GPC5: variants seen among roughly 807,000 people sequenced by gnomAD.
GPC5 encodes the protein glypican 5, also known as glypican-5.
In GPC5, 47 loss-of-function variants were observed where a neutral mutation model predicts 53.9. The observed-to-expected ratio is 0.87, with a 90% confidence interval of 0.69 to 1.11. The LOEUF is 1.11. GPC5 is among the 50% of genes most tolerant of loss of function. GPC5 has a pLI of 0.00. For synonymous variants in GPC5, 286 were observed against 263.3 expected, an observed-to-expected ratio of 1.09 and a Z score of -0.84; for missense variants, 748 against 713.1, an observed-to-expected ratio of 1.05 and a Z score of -0.56.
intron 6 of GPC5, among the ~76,000 whole-genome samples, chr13:91,991,683 C>A (rs1487049745): frequency 2.6e-5 from 4 of 151,854 alleles, no homozygotes; most frequent in Non-Finnish European, 5.9e-5. Flanking sequence ...ATACTGTGAA[C>A]ATTTTTTAAT....
intron 7 of GPC5, among the ~76,000 whole-genome samples, chr13:92,402,020 C>T (rs897145672): frequency 1.3e-5 from 2 of 152,000 alleles, no homozygotes; most frequent in South Asian, 2.1e-4. Context: ...TTTACTAAGC[C>T]GTCAGAAGGC....
At chr13:92,631,024 G>T (rs1271295808) in intron 7 of GPC5, among the ~76,000 whole-genome samples, 3 of 151,690 alleles carry the variant, frequency 2.0e-5, no homozygotes, top group African/African-American at 4.8e-5. Flanking sequence ...TGTCATTTTT[G>T]AACACAAAAG....
rs371066796 is a variant in GPC5 at position 92,663,576 on chromosome 13, AAT to A, written c.1562-202689_1562-202688del. On this transcript the variant is annotated intron_variant, in intron 7 of 7. Transcript: ENST00000377067. ...ATATGGTGAAACCCTGTTTCTACTAAATATATATATATATATATCTACTATAT... is the reference window on the plus strand; with the variant it reads ...ATATGGTGAAACCCTGTTTCTACTAAATATATATATATATATCTACTATAT... Among the ~76,000 whole-genome samples the A allele has an allele frequency of 8.3e-4, 111 of 134,310 alleles. No individual in the cohort carries two copies. In the South Asian group the frequency reaches 0.02, roughly 24 times the overall value. 88.1% of individuals were successfully genotyped at this position (134,310 alleles called of 152,430 possible).
intron 7 of GPC5, among the ~76,000 whole-genome samples, chr13:92,663,919 A>AC (rs1886481220): frequency 2.3e-5 from 3 of 130,326 alleles, no homozygotes; most frequent in African/African-American, 9.2e-5. Flanking sequence ...CACACACACA[A>AC]AAATTAGCTC....
chr13:91,728,644 A>G lies in GPC5; in HGVS notation c.1133A>G (p.Glu378Gly). 6.2e-7 allele frequency: 1 copy of G among 1,611,772 alleles called. No individual in the cohort carries two copies. Among genetic ancestry groups the G allele is most frequent in the South Asian group, 1.1e-5 (1 of 90,644 alleles). Residue 378 changes from glutamate (E) to glycine (G), a missense_variant, in exon 4 of 8, where the codon GAG becomes GGG. Glu to Gly is a moderately conservative substitution (Grantham distance 98). Transcript: ENST00000377067. ...AAGACCACCACAAGGAACAGTGAAG[A>G]GACGCTTGCCAACAGAAGAAAGTAA... The part of the protein sequence containing the change: ...GMKTTTRNSE[E>G]TLANRRKEFI...
At chr13:91,559,631 G>T (rs1171143130) in intron 2 of GPC5, among the ~76,000 whole-genome samples, 1 of 152,080 alleles carries the variant, frequency 6.6e-6, no homozygotes, top group East Asian at 1.9e-4. Context: ...CATGAAACTG[G>T]CTGTATTGAA....
intron 6 of GPC5, among the ~76,000 whole-genome samples, chr13:92,127,674 C>T (rs729321): frequency 0.017 from 2,586 of 152,244 alleles, 57 homozygotes; most frequent in African/African-American, 0.059. Context: ...ATGCCTAGTA[C>T]AGGGACATGA....
intron 7 of GPC5, among the ~76,000 whole-genome samples, chr13:92,308,214 A>G (rs566970099): frequency 2.0e-5 from 3 of 152,180 alleles, no homozygotes; most frequent in African/African-American, 2.4e-5. Flanking sequence ...TTATCTGTAC[A>G]GTGAAAATAA....
intron 2 of GPC5, among the ~76,000 whole-genome samples, chr13:91,652,763 A>G (rs1469840769): frequency 6.6e-6 from 1 of 152,180 alleles, no homozygotes; most frequent in Admixed American, 6.5e-5. Context: ...TGTAAGGAGG[A>G]CCTACTATAG....
intron 2 of GPC5, among the ~76,000 whole-genome samples, chr13:91,663,902 C>G (rs771509186): frequency 6.6e-6 from 1 of 152,246 alleles, no homozygotes; most frequent in Non-Finnish European, 1.5e-5. Context: ...GCCTTGCACT[C>G]GTGGGTTCGA....
At chr13:91,585,250 G>A (rs1478926693) in intron 2 of GPC5, among the ~76,000 whole-genome samples, 1 of 152,126 alleles carries the variant, frequency 6.6e-6, no homozygotes, top group Non-Finnish European at 1.5e-5. Flanking sequence ...CACTAATTTT[G>A]AACATATGCA....
At chr13:92,853,989 T>C (rs139449464) in intron 7 of GPC5, among the ~76,000 whole-genome samples, 4 of 119,194 alleles carry the variant, frequency 3.4e-5, no homozygotes, top group Non-Finnish European at 7.6e-5. Context: ...CCATAGATGA[T>C]AGTTGTAGGG....
chr13:92,470,671 C>T (rs1258372428), intron 7 of GPC5, among the ~76,000 whole-genome samples: 1 of 152,258 alleles, frequency 6.6e-6, no homozygotes, highest in Admixed American at 6.5e-5. Context: ...TCATTGCAAT[C>T]ATTTCTACAC....
intron 2 of GPC5, among the ~76,000 whole-genome samples, chr13:91,455,537 T>C (rs1235874396): frequency 6.6e-6 from 1 of 152,210 alleles, no homozygotes; most frequent in Non-Finnish European, 1.5e-5. Flanking sequence ...CCAACATGTG[T>C]ACACACTTAG....
intron 7 of GPC5, among the ~76,000 whole-genome samples, chr13:92,709,234 T>A (rs1055082840): frequency 1.7e-4 from 25 of 150,182 alleles, no homozygotes; most frequent in African/African-American, 5.9e-4. Flanking sequence ...TTTTTTTGGA[T>A]TTTTAGTAGA....
chr13:92,223,963 G>A (rs1185217846), intron 7 of GPC5, among the ~76,000 whole-genome samples: 2 of 151,944 alleles, frequency 1.3e-5, no homozygotes, highest in African/African-American at 4.8e-5. Flanking sequence ...AAATGTATTA[G>A]TGAAGCAATT....
chr13:91,444,300 T>C (rs1384584106), intron 1 of GPC5, among the ~76,000 whole-genome samples: 1 of 152,188 alleles, frequency 6.6e-6, no homozygotes, highest in Non-Finnish European at 1.5e-5. Context: ...TTTTGTGTCA[T>C]TGTCTTTCAG....
intron 6 of GPC5, among the ~76,000 whole-genome samples, chr13:92,102,136 A>G (rs2041472156): frequency 6.6e-6 from 1 of 152,194 alleles, no homozygotes; most frequent in Admixed American, 6.5e-5. Context: ...GTATAATTGA[A>G]GGACATGGGT....
chr13:92,805,707 G>A (rs779397902), intron 7 of GPC5, among the ~76,000 whole-genome samples: 11 of 151,876 alleles, frequency 7.2e-5, no homozygotes, highest in Non-Finnish European at 1.5e-4. Flanking sequence ...CAAAGTGCTG[G>A]GAATACAGGC....
Sources: gnomAD v4.1 joint callset for allele counts (sites outside exome capture counted in the v4.1 genomes callset) on GRCh38, gnomAD v4.1.1 for gene constraint, MANE v1.5 for transcripts, NCBI Gene and HGNC (gene_info 2026-07-23, HGNC 2026-07-21) for gene names.